ARHGAP28: variants seen among roughly 807,000 people sequenced by gnomAD.
ARHGAP28 encodes Rho GTPase activating protein 28.
ARHGAP28 carries 56 observed loss-of-function variants against 90.7 expected under a neutral mutation model. The ratio of observed to expected loss-of-function variants is 0.62; its 90% CI spans 0.50 to 0.77. ARHGAP28 has a LOEUF of 0.77. ARHGAP28 is among the 30% of genes least tolerant of loss of function. The probability of loss-of-function intolerance (pLI) is 0.00; values close to 1 mark genes in which losing one functional copy is unlikely to be tolerated. For synonymous variants in ARHGAP28, 308 were observed against 323.3 expected (o/e 0.95, Z 0.51); for missense variants, 869 against 900.9 (o/e 0.96, Z 0.45).
intron 3 of ARHGAP28, among the ~76,000 whole-genome samples, chr18:6,838,019 T>C (rs1489534363): frequency 6.6e-6 from 1 of 152,224 alleles, no homozygotes; most frequent in Non-Finnish European, 1.5e-5. Context: ...CTATTACTCA[T>C]GTTTTCCTAT....
chr18:6,879,136 G>T (rs992787005), intron 10 of ARHGAP28, among the ~76,000 whole-genome samples: 17 of 152,138 alleles, frequency 1.1e-4, no homozygotes, highest in African/African-American at 4.1e-4. Flanking sequence ...CAGACTTGAG[G>T]CCTCAGCTCA....
chr18:6,817,392 C>T (rs1053026075), intron 1 of ARHGAP28, among the ~76,000 whole-genome samples: 7 of 152,010 alleles, frequency 4.6e-5, no homozygotes, highest in East Asian at 3.9e-4. Flanking sequence ...ACCTTCCTTA[C>T]GAGGCAGGTT....
At chr18:6,836,307 A>G (rs574910971) in intron 2 of ARHGAP28, 1 of 152,630 alleles carries the variant, frequency 6.6e-6, no homozygotes, top group East Asian at 1.9e-4. Flanking sequence ...GCAATCAACA[A>G]GCAGGCAGGG....
rs749820551 is a variant in ARHGAP28 at position 6,912,085 on chromosome 18, T to C, written c.2121T>C (p.Ala707=). 6.2e-7 allele frequency: 1 copy of C among 1,606,934 alleles called. No homozygotes were observed. Among genetic ancestry groups the C allele is most frequent in the Non-Finnish European group, 8.5e-7 (1 of 1,175,672 alleles). ...GAGAGCATTGCTTGGATCCAGATGC[T>C]TATATATTGGATGTATATCGTATAA... ...NIGEHCLDPD[A]YILDVYRINP... is the part of the protein sequence containing the mutation. Residue 707 remains alanine (A), a synonymous_variant, in exon 18 of 18, where the codon GCT becomes GCC. Transcript: ENST00000383472.
At chr18:6,818,233 G>T (rs1290219363) in intron 1 of ARHGAP28, among the ~76,000 whole-genome samples, 1 of 152,178 alleles carries the variant, frequency 6.6e-6, no homozygotes, top group Non-Finnish European at 1.5e-5. Flanking sequence ...GTGCTAGCTG[G>T]CTTCAGAGTT....
chr18:6,840,148 A>C (rs2056794239), intron 3 of ARHGAP28, among the ~76,000 whole-genome samples: 1 of 152,160 alleles, frequency 6.6e-6, no homozygotes, highest in South Asian at 2.1e-4. Context: ...ATTTGCTATT[A>C]CTGTAAATAA....
At chr18:6,893,867 G>GTT (rs5822929) in intron 14 of ARHGAP28, among the ~76,000 whole-genome samples, 4,875 of 130,746 alleles carry the variant, frequency 0.037, 300 homozygotes, top group East Asian at 0.14. Flanking sequence ...TTGCTTTTTG[G>GTT]TTTTTTTTTT....
chr18:6,782,207 G>T (rs968663235), intron 1 of ARHGAP28, among the ~76,000 whole-genome samples: 4 of 152,126 alleles, frequency 2.6e-5, no homozygotes, highest in African/African-American at 9.7e-5. Flanking sequence ...TTAGGGAGTG[G>T]GGGGTTGAGG....
Position 6,769,925 on chromosome 18 carries a change from C to T in ARHGAP28, c.122+39982C>T, listed in dbSNP as rs570179671. ...ATTTTGGAAAACAAATACCCCTAAACTCTTAGAATTAACTTGCCATCAAAA... is the reference window on the plus strand; with the variant it reads ...ATTTTGGAAAACAAATACCCCTAAATTCTTAGAATTAACTTGCCATCAAAA... On this transcript the variant is annotated intron_variant, in intron 1 of 17. Coordinates refer to ENST00000383472, the MANE Select transcript of ARHGAP28 (RefSeq NM_001366230.1). 5.3e-5 allele frequency among the ~76,000 whole-genome samples: 8 copies of T among 152,298 alleles called. No homozygotes were observed. In the South Asian group the frequency reaches 1.5e-3, roughly 28 times the overall value.
chr18:6,859,780 A>G (rs1283758159), intron 4 of ARHGAP28, 28 bp from the exon 5 acceptor site: 11 of 1,602,456 alleles, frequency 6.9e-6, no homozygotes, highest in Non-Finnish European at 9.4e-6. Flanking sequence ...TGCCTGAATA[A>G]GAATGGTACT....
chr18:6,885,521 C>T (rs2057213353), intron 11 of ARHGAP28, among the ~76,000 whole-genome samples: 1 of 152,176 alleles, frequency 6.6e-6, no homozygotes, highest in Non-Finnish European at 1.5e-5. Context: ...GTATCATCAT[C>T]AATCAAGCCT....
chr18:6,802,207 A>G (rs2056487008), intron 1 of ARHGAP28, among the ~76,000 whole-genome samples: 1 of 152,142 alleles, frequency 6.6e-6, no homozygotes, highest in African/African-American at 2.4e-5. Context: ...CTATTGTGCT[A>G]CAATAAACAT....
intron 3 of ARHGAP28, among the ~76,000 whole-genome samples, chr18:6,841,167 C>CCTCTCTCT (rs776937358): frequency 1.9e-4 from 15 of 79,990 alleles, no homozygotes; most frequent in African/African-American, 2.7e-4. Flanking sequence ...TTCTCTCTCT[C>CCTCTCTCT]CTCTCTCTCT....
At chr18:6,798,583 A>G (rs1344059833) in intron 1 of ARHGAP28, among the ~76,000 whole-genome samples, 1 of 152,200 alleles carries the variant, frequency 6.6e-6, no homozygotes, top group Non-Finnish European at 1.5e-5. Flanking sequence ...ATTCTAGGTG[A>G]AGTAACTCAG....
intron 2 of ARHGAP28, among the ~76,000 whole-genome samples, chr18:6,831,965 G>C (rs1217727521): frequency 6.6e-6 from 1 of 151,882 alleles, no homozygotes; most frequent in East Asian, 1.9e-4. Context: ...CTAGTATGTT[G>C]GTTCTTTGAA....
At chr18:6,761,946 A>T (rs2056163344) in intron 1 of ARHGAP28, among the ~76,000 whole-genome samples, 1 of 152,222 alleles carries the variant, frequency 6.6e-6, no homozygotes, top group Admixed American at 6.5e-5. Context: ...TAGCAAGGGT[A>T]GTTGCTGTCA....
At chr18:6,892,335 A>G (rs2057272430) in intron 14 of ARHGAP28, among the ~76,000 whole-genome samples, 2 of 151,954 alleles carry the variant, frequency 1.3e-5, no homozygotes. Flanking sequence ...TATTTTTAGT[A>G]GAGACAGGGT....
At chr18:6,773,656 T>TACTG (rs1281573444) in intron 1 of ARHGAP28, among the ~76,000 whole-genome samples, 1 of 152,220 alleles carries the variant, frequency 6.6e-6, no homozygotes, top group Non-Finnish European at 1.5e-5. Flanking sequence ...GCTTGGTATT[T>TACTG]ACTGAATTAA....
chr18:6,734,634 T>C (rs2055910450), intron 1 of ARHGAP28, among the ~76,000 whole-genome samples: 1 of 152,202 alleles, frequency 6.6e-6, no homozygotes, highest in African/African-American at 2.4e-5. Flanking sequence ...TAGCAACTTT[T>C]AGTGATAGAT....
Sources: allele counts gnomAD v4.1 joint callset (sites outside exome capture counted in the v4.1 genomes callset), GRCh38; gene constraint gnomAD v4.1.1; transcripts MANE v1.5; gene names NCBI Gene and HGNC (gene_info 2026-07-23, HGNC 2026-07-21).